The following PPARGC1A variants were observed in gnomAD, a reference collection of about 807,000 sequenced individuals.
PPARGC1A encodes PPARG coactivator 1 alpha, also known as peroxisome proliferator-activated receptor gamma coactivator 1-alpha.
Under a neutral mutation model 88.7 loss-of-function variants are expected in PPARGC1A, and 25 were observed. The observed-to-expected ratio is 0.28, with a 90% CI of 0.21 to 0.39. The LOEUF is 0.39. Among genes scored for constraint, PPARGC1A ranks in the 10% least tolerant of loss-of-function variants. The pLI is 1.00. For missense variants in PPARGC1A, 880 were observed against 968.7 expected, an observed-to-expected ratio of 0.91 and a Z score of 1.22; for synonymous variants, 363 against 355.6, an observed-to-expected ratio of 1.02 and a Z score of -0.24.
the PPARGC1A span, among the ~76,000 whole-genome samples, chr4:24,070,600 C>A: frequency 6.6e-6 from 1 of 152,242 alleles, no homozygotes; most frequent in African/African-American, 2.4e-5. Flanking sequence ...AGTGGCAATT[C>A]ATCTCTAGAT....
At chr4:23,995,501 T>C in the PPARGC1A span, among the ~76,000 whole-genome samples, 1 of 152,200 alleles carries the variant, frequency 6.6e-6, no homozygotes, top group Non-Finnish European at 1.5e-5. Flanking sequence ...TCAAATTCCC[T>C]CAGCTTTGCA....
the PPARGC1A span, among the ~76,000 whole-genome samples, chr4:24,149,214 T>A: frequency 6.6e-6 from 1 of 152,326 alleles, no homozygotes; most frequent in African/African-American, 2.4e-5. Context: ...CAGTTTCTAT[T>A]AGCATTATCT....
At chr4:24,096,915 A>G in the PPARGC1A span, among the ~76,000 whole-genome samples, 2 of 152,188 alleles carry the variant, frequency 1.3e-5, no homozygotes, top group Non-Finnish European at 2.9e-5. Flanking sequence ...TTTAGGATAA[A>G]TTCCTTTAGC....
the PPARGC1A span, among the ~76,000 whole-genome samples, chr4:24,131,484 A>C: frequency 1.3e-5 from 2 of 152,316 alleles, no homozygotes; most frequent in African/African-American, 4.8e-5. Context: ...CCCATCAGTA[A>C]CTACACGGCA....
chr4:24,401,251 C>T, the PPARGC1A span, among the ~76,000 whole-genome samples: 39 of 152,048 alleles, frequency 2.6e-4, no homozygotes, highest in African/African-American at 5.8e-4. Flanking sequence ...ATCTCCTGAC[C>T]TCATGATCTG....
chr4:24,395,553 A>G, the PPARGC1A span, among the ~76,000 whole-genome samples: 1 of 152,214 alleles, frequency 6.6e-6, no homozygotes, highest in Non-Finnish European at 1.5e-5. Context: ...AAGTCTGTAA[A>G]TGTGAATCAT....
At chr4:24,232,106 A>T in the PPARGC1A span, among the ~76,000 whole-genome samples, 1 of 152,224 alleles carries the variant, frequency 6.6e-6, no homozygotes, top group Admixed American at 6.5e-5. Flanking sequence ...GTGACAATGA[A>T]ATTACCAGGC....
At chr4:24,311,344 G>A in the PPARGC1A span, among the ~76,000 whole-genome samples, 7 of 146,148 alleles carry the variant, frequency 4.8e-5, no homozygotes, top group South Asian at 2.2e-4. Flanking sequence ...CTCATGATCC[G>A]CCCGCCTCTG....
chr4:23,820,489 T>C (rs1722821945), intron 7 of PPARGC1A: 1 of 271,000 alleles, frequency 3.7e-6, no homozygotes. Flanking sequence ...CTGACATTGC[T>C]TTGCCATTCC....
chr4:24,129,503 A>G, the PPARGC1A span, among the ~76,000 whole-genome samples: 2 of 152,178 alleles, frequency 1.3e-5, no homozygotes, highest in African/African-American at 4.8e-5. Flanking sequence ...AAAGCAACAT[A>G]GTACATTGGA....
the PPARGC1A span, among the ~76,000 whole-genome samples, chr4:24,386,799 G>A: frequency 6.6e-6 from 1 of 152,140 alleles, no homozygotes; most frequent in Admixed American, 6.5e-5. Context: ...TCAATATTGT[G>A]AAAATGGCCA....
At chr4:24,006,181 TG>T in the PPARGC1A span, among the ~76,000 whole-genome samples, 1 of 152,160 alleles carries the variant, frequency 6.6e-6, no homozygotes, top group Non-Finnish European at 1.5e-5. Flanking sequence ...CCTAAGTAGC[TG>T]GGATCATAGG....
the PPARGC1A span, among the ~76,000 whole-genome samples, chr4:23,916,973 G>A: frequency 6.6e-6 from 1 of 152,152 alleles, no homozygotes; most frequent in Non-Finnish European, 1.5e-5. Flanking sequence ...TCAGAACTAG[G>A]GGAAGGTGTT....
chr4:24,281,918 T>A, the PPARGC1A span, among the ~76,000 whole-genome samples: 3 of 152,232 alleles, frequency 2.0e-5, no homozygotes, highest in South Asian at 4.1e-4. Flanking sequence ...GATACTCTTA[T>A]CTCTGATGCA....
the PPARGC1A span, among the ~76,000 whole-genome samples, chr4:24,046,407 G>A: frequency 7.9e-5 from 12 of 152,204 alleles, no homozygotes; most frequent in African/African-American, 2.9e-4. Flanking sequence ...TCTCAAAGGA[G>A]CCCCTTCTTC....
intron 10 of PPARGC1A, among the ~76,000 whole-genome samples, chr4:23,809,708 A>C (rs1720511694): frequency 6.6e-6 from 1 of 152,204 alleles, no homozygotes; most frequent in Non-Finnish European, 1.5e-5. Context: ...AGTATTTTAC[A>C]CTATTTTTTT....
the PPARGC1A span, among the ~76,000 whole-genome samples, chr4:24,059,722 G>C: frequency 6.6e-6 from 1 of 152,128 alleles, no homozygotes; most frequent in Non-Finnish European, 1.5e-5. Context: ...AACCACATTC[G>C]CAATTCTGGA....
chr4:23,833,888 G>A (rs75957117), intron 2 of PPARGC1A, among the ~76,000 whole-genome samples: 7,476 of 152,294 alleles, frequency 0.049, 241 homozygotes, highest in Non-Finnish European at 0.073. Context: ...GCACTTGCAG[G>A]GCACGGTGGC....
At chr4:23,907,857 C>T (rs950556285), upstream of PPARGC1A, among the ~76,000 whole-genome samples, 15 of 152,174 alleles carry the variant, frequency 9.9e-5, no homozygotes, top group African/African-American at 3.4e-4. Flanking sequence ...ATGAAGTGGG[C>T]GTTGGGACTC....
Sources: allele counts gnomAD v4.1 joint callset (sites outside exome capture counted in the v4.1 genomes callset), GRCh38; gene constraint gnomAD v4.1.1; transcripts MANE v1.5; gene names NCBI Gene and HGNC (gene_info 2026-07-23, HGNC 2026-07-21).